The following MALRD1 variants were observed in gnomAD, a reference collection of about 807,000 sequenced individuals.
MALRD1 encodes MAM and LDL receptor class A domain containing 1, also known as MAM and LDL-receptor class A domain-containing protein 1.
Under a neutral mutation model 242.1 loss-of-function variants are expected in MALRD1, and 247 were observed. That is an observed-to-expected ratio of 1.02 (90% confidence interval 0.92 to 1.13). The LOEUF (loss-of-function observed/expected upper bound fraction) is 1.13, where lower values mean the gene tolerates loss of function less well. MALRD1 is among the 50% of genes most tolerant of loss of function. The probability of loss-of-function intolerance (pLI) is 0.00; values close to 1 mark genes in which losing one functional copy is unlikely to be tolerated. For missense variants in MALRD1, 2,989 were observed against 2,533.1 expected (o/e 1.18, Z -3.86); for synonymous variants, 995 against 866.6 (o/e 1.15, Z -2.60).
intron 31 of MALRD1, among the ~76,000 whole-genome samples, chr10:19,525,991 T>C (rs1305135068): frequency 6.6e-6 from 1 of 152,180 alleles, no homozygotes; most frequent in Non-Finnish European, 1.5e-5. Context: ...CATAGAGTCA[T>C]ATAAATAAAG....
intron 26 of MALRD1, among the ~76,000 whole-genome samples, chr10:19,354,365 G>T (rs1181991150): frequency 2.0e-5 from 3 of 151,922 alleles, no homozygotes; most frequent in African/African-American, 7.3e-5. Flanking sequence ...ATGGCAAGTG[G>T]GTAGGAAAAA....
intron 18 of MALRD1, among the ~76,000 whole-genome samples, chr10:19,236,087 G>C (rs530243685): frequency 6.6e-6 from 1 of 152,142 alleles, no homozygotes. Flanking sequence ...GTGACTACTC[G>C]AGGAGTTCAT....
chr10:19,710,966 A>G (rs1834083378), intron 38 of MALRD1: 1 of 152,244 alleles, frequency 6.6e-6, no homozygotes, highest in East Asian at 1.9e-4. Flanking sequence ...GACAGTAAAA[A>G]GAAGTGAGGT....
intron 8 of MALRD1, 33 bp from the exon 9 acceptor site, chr10:19,133,823 G>T (rs1311936908): frequency 2.1e-5 from 21 of 978,990 alleles, no homozygotes; most frequent in Non-Finnish European, 1.8e-5. Context: ...TAGAATACGG[G>T]TAATGAGTGA....
In MALRD1 at chr10:19,536,030, A is replaced by G. The variant is rs140339529; in HGVS notation, c.5478+4679A>G. Among the ~76,000 whole-genome samples the G allele has an allele frequency of 2.3e-3, 344 of 152,308 alleles. 6 individuals are homozygous for G. The highest frequency in any genetic ancestry group is 7.9e-3 in the African/African-American group (330 of 41,568). ...ATTCCAAATTGTAGACTGTGGGAGT[A>G]TGTCTCCTTGTCAGCGTAAATTTTC... On this transcript the variant is annotated intron_variant, in intron 32 of 39. Transcript: ENST00000454679.
At chr10:19,408,569 T>C (rs1019533462) in intron 28 of MALRD1, among the ~76,000 whole-genome samples, 2 of 151,990 alleles carry the variant, frequency 1.3e-5, no homozygotes, top group Admixed American at 1.3e-4. Flanking sequence ...TGAAATGCAT[T>C]AACAAAAAAA....
intron 19 of MALRD1, among the ~76,000 whole-genome samples, chr10:19,279,401 A>G (rs560698700): frequency 1.1e-3 from 165 of 152,188 alleles, no homozygotes; most frequent in African/African-American, 3.8e-3. Flanking sequence ...TTAATATTTA[A>G]CTTTTTCTCC....
intron 32 of MALRD1, among the ~76,000 whole-genome samples, chr10:19,531,785 C>T (rs567168536): frequency 1.6e-4 from 25 of 152,214 alleles, no homozygotes; most frequent in Admixed American, 3.3e-4. Flanking sequence ...AATCAACATG[C>T]GCGCTCTATT....
chr10:19,389,491 G>C lies in MALRD1; in HGVS notation c.4727G>C (p.Arg1576Pro). 1 of 1,550,482 alleles carries C rather than the reference G, an allele frequency of 6.4e-7. No homozygotes were observed. Among genetic ancestry groups the C allele is most frequent in the Non-Finnish European group, 8.7e-7 (1 of 1,146,952 alleles). ...CTGGAAGCTACTGCAGTGGGCCTTC[G>C]GGGTGACAAAGCACACTTCAGGAGT... is the stretch of plus-strand genomic sequence containing the variant. ...MYLEATAVGL[R>P]GDKAHFRSTM... Residue 1576 changes from arginine (R) to proline (P), a missense_variant, in exon 28 of 40, where the codon CGG becomes CCG. Arg to Pro is a moderately radical substitution (Grantham distance 103). Transcript: ENST00000454679.
chr10:19,128,011 A>G (rs1837336042), intron 7 of MALRD1, among the ~76,000 whole-genome samples: 1 of 152,220 alleles, frequency 6.6e-6, no homozygotes, highest in African/African-American at 2.4e-5. Flanking sequence ...TATAGAAATT[A>G]GGAGATTTCT....
At chr10:19,719,216 A>G (rs1218960968) in intron 38 of MALRD1, among the ~76,000 whole-genome samples, 1 of 56,612 alleles carries the variant, frequency 1.8e-5, no homozygotes, top group African/African-American at 9.2e-5. Context: ...ATATATACAC[A>G]TACATACATA....
At chr10:19,400,549 AT>A (rs1456134841) in intron 28 of MALRD1, among the ~76,000 whole-genome samples, 2 of 152,154 alleles carry the variant, frequency 1.3e-5, no homozygotes, top group Non-Finnish European at 2.9e-5. Flanking sequence ...TTAAACACAT[AT>A]TTTTTAATTG....
chr10:19,335,335 A>G (rs1843559829), intron 24 of MALRD1, among the ~76,000 whole-genome samples: 1 of 151,928 alleles, frequency 6.6e-6, no homozygotes, highest in Non-Finnish European at 1.5e-5. Context: ...AATAAACCTG[A>G]TTTTGGCGTT....
At chr10:19,258,646 T>C (rs930924353) in intron 19 of MALRD1, among the ~76,000 whole-genome samples, 3 of 152,170 alleles carry the variant, frequency 2.0e-5, no homozygotes, top group Admixed American at 6.5e-5. Flanking sequence ...GTCTTTTCAG[T>C]TGTAGCTATG....
At chr10:19,569,629 A>G (rs1326393372) in intron 33 of MALRD1, among the ~76,000 whole-genome samples, 3 of 147,770 alleles carry the variant, frequency 2.0e-5, no homozygotes, top group Admixed American at 1.4e-4. Context: ...TTTTATATAT[A>G]TATTCCATAA....
At chr10:19,684,445 A>C (rs1240359569) in intron 36 of MALRD1, among the ~76,000 whole-genome samples, 2 of 152,170 alleles carry the variant, frequency 1.3e-5, no homozygotes, top group Non-Finnish European at 2.9e-5. Context: ...CATGATAGAC[A>C]TGAGTTGCTA....
At chr10:19,671,971 C>A (rs183397897) in intron 36 of MALRD1, among the ~76,000 whole-genome samples, 166 of 151,746 alleles carry the variant, frequency 1.1e-3, no homozygotes, top group African/African-American at 3.7e-3. Context: ...TTTCTCTTGC[C>A]CTAACCAACT....
At chr10:19,655,981 C>A (rs190142006) in intron 36 of MALRD1, among the ~76,000 whole-genome samples, 2 of 152,248 alleles carry the variant, frequency 1.3e-5, no homozygotes, top group East Asian at 3.9e-4. Context: ...TAATCACATT[C>A]TCTTCAATAT....
At chr10:19,528,340 A>G (rs1020838105) in intron 31 of MALRD1, among the ~76,000 whole-genome samples, 27 of 152,176 alleles carry the variant, frequency 1.8e-4, no homozygotes, top group African/African-American at 6.3e-4. Flanking sequence ...CAAGCCTGTA[A>G]TCCCAGCACT....
Sources: allele counts gnomAD v4.1 joint callset (sites outside exome capture counted in the v4.1 genomes callset), GRCh38; gene constraint gnomAD v4.1.1; transcripts MANE v1.5; gene names NCBI Gene and HGNC (gene_info 2026-07-23, HGNC 2026-07-21).